Variants in CDH5 observed in about 807,000 individuals in gnomAD.
CDH5 encodes the protein cadherin 5, also known as cadherin-5.
In CDH5, 28 loss-of-function variants were observed where a neutral mutation model predicts 62.0. The observed-to-expected ratio is 0.45, with a 90% CI of 0.33 to 0.62. The LOEUF (loss-of-function observed/expected upper bound fraction) is 0.62. Among genes scored for constraint, CDH5 ranks in the 20% least tolerant of loss-of-function variants. CDH5 has a pLI of 0.02. For missense variants in CDH5, 940 were observed against 1,065.1 expected, an observed-to-expected ratio of 0.88 and a Z score of 1.63; for synonymous variants, 464 against 445.8, an observed-to-expected ratio of 1.04 and a Z score of -0.52.
At chr16:66,396,840 C>T (rs563134919) in intron 8 of CDH5, among the ~76,000 whole-genome samples, 6 of 152,156 alleles carry the variant, frequency 3.9e-5, no homozygotes, top group Non-Finnish European at 7.3e-5. Flanking sequence ...CCCAGGAGCC[C>T]GCTAGGCCAA....
chr16:66,381,286 G>A (rs1366039116), intron 2 of CDH5, among the ~76,000 whole-genome samples: 5 of 152,186 alleles, frequency 3.3e-5, no homozygotes, highest in Admixed American at 1.3e-4. Flanking sequence ...GCCCTCCAGG[G>A]CAGGACCTCA....
At chr16:66,394,120 A>T (rs968161534) in intron 7 of CDH5, among the ~76,000 whole-genome samples, 3 of 152,132 alleles carry the variant, frequency 2.0e-5, no homozygotes, top group Admixed American at 6.5e-5. Flanking sequence ...AGAATATCTA[A>T]GTTTTGACTT....
At chr16:66,384,661 CAAAAAAA>C (rs10630303) in intron 2 of CDH5, among the ~76,000 whole-genome samples, 2 of 101,598 alleles carry the variant, frequency 2.0e-5, no homozygotes, top group African/African-American at 4.0e-5. Flanking sequence ...GTACCTGTCT[CAAAAAAA>C]AAAAAAAAAA....
In CDH5 at chr16:66,400,993, T is replaced by C. The variant is rs754625505; in HGVS notation, c.1814T>C (p.Leu605Ser). 1 of 1,614,096 alleles carries C rather than the reference T, an allele frequency of 6.2e-7. No homozygotes were observed. Among genetic ancestry groups the C allele is most frequent in the Non-Finnish European group, 8.5e-7 (1 of 1,180,054 alleles). ...GVSIQAVVAILLCILTITVIT... is the reference protein window; with the variant it reads ...GVSIQAVVAISLCILTITVIT... ...AGCATCCAGGCAGTGGTAGCCATCT[T>C]ACTCTGCATCCTCACCATCACAGGT... Residue 605 changes from leucine (L) to serine (S), a missense_variant, in exon 11 of 12, where the codon TTA becomes TCA. Leu to Ser is a moderately radical substitution (Grantham distance 145). Coordinates refer to ENST00000341529, the MANE Select transcript of CDH5 (RefSeq NM_001795.5).
intron 3 of CDH5, among the ~76,000 whole-genome samples, chr16:66,388,065 G>T (rs554197052): frequency 2.0e-5 from 3 of 150,836 alleles, no homozygotes; most frequent in Admixed American, 6.6e-5. Flanking sequence ...CCAACCCTCC[G>T]CCCCCTCCCT....
chr16:66,392,661 AGTC>A, intron 7 of CDH5: 1 of 432,168 alleles, frequency 2.3e-6, no homozygotes, highest in Non-Finnish European at 4.2e-6. Flanking sequence ...AGCTCTCACC[AGTC>A]CTATGTGGTA....
intron 2 of CDH5, among the ~76,000 whole-genome samples, chr16:66,381,846 C>T (rs943575623): frequency 1.2e-4 from 19 of 152,220 alleles, no homozygotes; most frequent in African/African-American, 3.4e-4. Context: ...GCTACAATGG[C>T]AAAGTTGAGT....
chr16:66,398,432 C>G, intron 9 of CDH5, 24 bp from the exon 10 acceptor site: 1 of 1,429,060 alleles, frequency 7.0e-7, no homozygotes, highest in Non-Finnish European at 9.9e-7. Context: ...CATCACTGAC[C>G]ATCTCCTGTC....
rs746527849 is a variant in CDH5, at chr16:66,379,428, G to A, written c.91G>A (p.Ala31Thr). ...AGTGGCAGCAGCAGGTGCTAACCCT[G>A]CCCAACGGGACACCCACAGCCTGCT... Reference protein sequence around the residue: ...AAVAAAGANPAQRDTHSLLPT... With the variant: ...AAVAAAGANPTQRDTHSLLPT... Residue 31 changes from alanine to threonine, a missense_variant, in exon 2 of 12, where the codon GCC becomes ACC. Ala to Thr is a moderately conservative substitution (Grantham distance 58). Transcript: ENST00000341529. 25 of 1,614,068 alleles carry A rather than the reference G, an allele frequency of 1.5e-5. No homozygotes were observed. The highest frequency in any genetic ancestry group is 2.2e-5 in the East Asian group (1 of 44,896).
At chr16:66,401,158 C>A (rs1961275210) in intron 11 of CDH5, 142 bp downstream of exon 11, 1 of 1,103,500 alleles carries the variant, frequency 9.1e-7, no homozygotes, top group Non-Finnish European at 1.3e-6. Flanking sequence ...CAGCCCTTAG[C>A]CAGTTCATGT....
rs371977380 is a variant in CDH5, at chr16:66,398,498, C to T, written c.1528C>T (p.Arg510Ter). 5 of 1,609,798 alleles carry T rather than the reference C, an allele frequency of 3.1e-6. No individual in the cohort carries two copies. The highest frequency in any genetic ancestry group is 1.1e-5 in the South Asian group (1 of 91,024). The change falls in exon 10 of 12, where the codon CGA (arginine) becomes TGA (stop). Residue 510 changes from arginine (R) to a stop codon, truncating the protein, a stop_gained. Transcript: ENST00000341529. LOFTEE classifies it high-confidence loss of function. The stretch of plus-strand genomic sequence containing the variant: ...CGCAATAGACAAGGACATAACACCA[C>T]GAAACGTGAAGTTCAAATTCATCTT... The part of the protein sequence containing the change: ...ISAIDKDITP[R>*]NVKFKFILNT...
chr16:66,400,011 C>T (rs993454385), intron 10 of CDH5, among the ~76,000 whole-genome samples: 2 of 152,194 alleles, frequency 1.3e-5, no homozygotes, highest in African/African-American at 4.8e-5. Flanking sequence ...CTTCTCTGAT[C>T]GTTGACATTA....
rs1453231165 is a variant in CDH5, at chr16:66,404,321, A to C, written c.*1152A>C. On this transcript the variant is annotated 3_prime_UTR_variant, in exon 12 of 12. Coordinates refer to ENST00000341529, the MANE Select transcript of CDH5 (RefSeq NM_001795.5). ...CCCTGCCCAACCTCTGTGGTCACCCATGCATCTTCCACTGGAACGTTTCAC... is the reference window on the plus strand; with the variant it reads ...CCCTGCCCAACCTCTGTGGTCACCCCTGCATCTTCCACTGGAACGTTTCAC... The C allele has an allele frequency of 6.6e-6, 1 of 152,652 alleles. No individual in the cohort carries two copies. The highest frequency in any genetic ancestry group is 2.4e-5 in the African/African-American group (1 of 41,470). The allele number at this position is 152,652 out of a possible 1,614,324, so 9.5% of individuals were successfully genotyped here.
At chr16:66,380,211 T>A (rs866090874) in intron 2 of CDH5, among the ~76,000 whole-genome samples, 1 of 109,000 alleles carries the variant, frequency 9.2e-6, no homozygotes. Flanking sequence ...GTGGTGATCA[T>A]GGTGATGGTG....
chr16:66,380,961 T>C (rs1405544765), intron 2 of CDH5, among the ~76,000 whole-genome samples: 4 of 152,002 alleles, frequency 2.6e-5, no homozygotes, highest in Middle Eastern at 3.2e-3. Context: ...GTAAACTAGA[T>C]ATCACTAACA....
At chr16:66,389,607 A>C in intron 5 of CDH5, 85 bp downstream of exon 5, 2 of 1,211,268 alleles carry the variant, frequency 1.7e-6, no homozygotes, top group Non-Finnish European at 2.3e-6. Context: ...AGAGTTACAA[A>C]TCACTTTACC....
In CDH5 at chr16:66,367,735, T is replaced by C. The variant is rs549371101; in HGVS notation, c.-20+977T>C. On this transcript the variant is annotated intron_variant, in intron 1 of 11. Coordinates refer to ENST00000341529, the MANE Select transcript of CDH5 (RefSeq NM_001795.5). ...AAAGCAACTGAGCTTTGGAAACATA[T>C]GAGCTGGTGTGGGGATTTGAACCAG... Among the ~76,000 whole-genome samples the C allele has an allele frequency of 1.6e-4, 24 of 152,302 alleles. 1 individual carries two copies. The South Asian group carries it at 5.0e-3, about 32-fold the overall frequency.
At chr16:66,390,643 C>A in intron 6 of CDH5, 53 bp downstream of exon 6, 1 of 1,534,694 alleles carries the variant, frequency 6.5e-7, no homozygotes, top group Non-Finnish European at 9.0e-7. Flanking sequence ...GCTCTTGGCA[C>A]CCACAGGTCC....
chr16:66,403,109 C>A lies in CDH5; in HGVS notation c.2295C>A (p.Pro765=). Residue 765 remains proline, a synonymous_variant, in exon 12 of 12, where the codon CCC becomes CCA. Coordinates refer to ENST00000341529, the MANE Select transcript of CDH5 (RefSeq NM_001795.5). The surrounding 1 kb of genome is among the most constrained non-coding windows in gnomAD (Gnocchi z 4.3). ...VDYDFLNDWG[P]RFKMLAELYG... is the part of the protein sequence containing the mutation. ...ACGACTTCCTTAACGACTGGGGACC[C>A]AGGTTTAAGATGCTGGCTGAGCTGT... The A allele has an allele frequency of 6.2e-7, 1 of 1,613,710 alleles. No homozygotes were observed.
Sources: allele counts gnomAD v4.1 joint callset (sites outside exome capture counted in the v4.1 genomes callset), GRCh38; gene constraint gnomAD v4.1.1; non-coding constraint Gnocchi (gnomAD v3.1); transcripts MANE v1.5; gene names NCBI Gene and HGNC (gene_info 2026-07-23, HGNC 2026-07-21).